ARHGAP8: variants seen among roughly 807,000 people sequenced by gnomAD.
The protein encoded by ARHGAP8 is rho GTPase-activating protein 8.
ARHGAP8 carries 62 observed loss-of-function variants against 46.1 expected under a neutral mutation model. The ratio of observed to expected loss-of-function variants is 1.34; its 90% CI spans 1.10 to 1.66. The LOEUF is 1.66. ARHGAP8 is among the 40% of genes most tolerant of loss of function. ARHGAP8 has a pLI of 0.00. For missense variants in ARHGAP8, 923 were observed against 568.4 expected, an observed-to-expected ratio of 1.62 and a Z score of -6.34; for synonymous variants, 375 against 243.1, an observed-to-expected ratio of 1.54 and a Z score of -5.05.
chr22:44,856,231 C>G (rs2070218835), intron 10 of ARHGAP8, among the ~76,000 whole-genome samples: 1 of 140,558 alleles, frequency 7.1e-6, no homozygotes, highest in Non-Finnish European at 1.5e-5. Flanking sequence ...GCTCACATTA[C>G]TGTCTGGCCA....
chr22:44,835,078 CA>C (rs1308529598), intron 7 of ARHGAP8, among the ~76,000 whole-genome samples: 1 of 151,858 alleles, frequency 6.6e-6, no homozygotes, highest in Admixed American at 6.6e-5. Flanking sequence ...TTATTTAATC[CA>C]TTTACATTTA....
intron 1 of ARHGAP8, among the ~76,000 whole-genome samples, chr22:44,754,315 A>G (rs1924489883): frequency 6.6e-6 from 1 of 150,606 alleles, no homozygotes; most frequent in Admixed American, 6.6e-5. Context: ...TTACTTGGAT[A>G]ACATCATTGG....
At chr22:44,860,724 G>A (rs889580208) in intron 11 of ARHGAP8, among the ~76,000 whole-genome samples, 1 of 151,384 alleles carries the variant, frequency 6.6e-6, no homozygotes, top group South Asian at 2.1e-4. Context: ...CCCTGGGGCA[G>A]GGATCCATTT....
chr22:44,859,730 G>A lies in ARHGAP8; in HGVS notation c.878-1G>A. 5 of 1,613,458 alleles carry A rather than the reference G, an allele frequency of 3.1e-6. No individual in the cohort carries two copies. The highest frequency in any genetic ancestry group is 4.2e-6 in the Non-Finnish European group (5 of 1,180,020). On this transcript the variant is annotated splice_acceptor_variant, in intron 10 of 11. Coordinates refer to ENST00000356099, the MANE Select transcript of ARHGAP8 (RefSeq NM_181335.3). LOFTEE classifies it high-confidence loss of function. The stretch of plus-strand genomic sequence containing the variant: ...CAGCAGGGAGCCCCATGCCCTTCCA[G>A]GTGTGGAGAGCAGCCTGCGTGTCAC...
intron 1 of ARHGAP8, among the ~76,000 whole-genome samples, chr22:44,758,701 C>T (rs1199111845): frequency 6.6e-6 from 1 of 151,964 alleles, no homozygotes; most frequent in Non-Finnish European, 1.5e-5. Context: ...GGCCGGTGTG[C>T]CAGGGCAAAG....
At chr22:44,846,209 C>T (rs2069951929) in intron 8 of ARHGAP8, among the ~76,000 whole-genome samples, 1 of 152,258 alleles carries the variant, frequency 6.6e-6, no homozygotes, top group African/African-American at 2.4e-5. Context: ...CCGTTTCTCA[C>T]ATTTCCATCT....
intron 7 of ARHGAP8, among the ~76,000 whole-genome samples, chr22:44,837,097 C>T (rs911172740): frequency 6.6e-6 from 1 of 152,186 alleles, no homozygotes; most frequent in African/African-American, 2.4e-5. Context: ...GTTGGCTAGG[C>T]TGGTCTCGAA....
At chr22:44,854,303 C>A (rs1161089742) in intron 10 of ARHGAP8, among the ~76,000 whole-genome samples, 1 of 144,572 alleles carries the variant, frequency 6.9e-6, no homozygotes, top group African/African-American at 2.6e-5. Flanking sequence ...GTGGCCTGAT[C>A]TTGGCTCATT....
At chr22:44,860,050 C>CCCTGCCTGCT (rs1569187374) in intron 11 of ARHGAP8, among the ~76,000 whole-genome samples, 3 of 152,166 alleles carry the variant, frequency 2.0e-5, no homozygotes, top group Non-Finnish European at 2.9e-5. Context: ...GCGTACCTGC[C>CCCTGCCTGCT]CCTGCCTGCT....
chr22:44,812,016 T>G (rs1434741377), intron 4 of ARHGAP8, among the ~76,000 whole-genome samples: 3 of 152,020 alleles, frequency 2.0e-5, no homozygotes, highest in Admixed American at 6.6e-5. Flanking sequence ...AAAAAAAGAT[T>G]TATGCAGTGA....
intron 2 of ARHGAP8, among the ~76,000 whole-genome samples, chr22:44,789,208 G>A (rs1466270032): frequency 2.0e-5 from 3 of 152,032 alleles, no homozygotes; most frequent in African/African-American, 4.8e-5. Context: ...GGAGTACAGT[G>A]GTGCGATCTC....
chr22:44,808,251 T>A, intron 3 of ARHGAP8, 56 bp from the exon 4 acceptor site: 1 of 1,579,188 alleles, frequency 6.3e-7, no homozygotes, highest in South Asian at 1.2e-5. Context: ...AAAGCACGTT[T>A]GGTTTCAATA....
intron 2 of ARHGAP8, among the ~76,000 whole-genome samples, chr22:44,798,774 C>CT (rs976049614): frequency 0.015 from 2,174 of 149,290 alleles, 16 homozygotes; most frequent in Middle Eastern, 0.035. Flanking sequence ...AGGAGCTGGA[C>CT]TTTTTTTTTT....
At chr22:44,839,746 G>A (rs951158026) in intron 7 of ARHGAP8, among the ~76,000 whole-genome samples, 12 of 152,178 alleles carry the variant, frequency 7.9e-5, no homozygotes, top group Non-Finnish European at 1.5e-4. Context: ...GGTTTCATTC[G>A]GGCCCTTTTC....
rs747497762 is a variant in ARHGAP8 at position 44,859,976 on chromosome 22, A to C, written c.981+142A>C. The C allele has an allele frequency of 7.7e-6, 8 of 1,033,800 alleles. No homozygotes were observed. The Admixed American group carries it at 1.6e-4, about 21-fold the overall frequency. The allele number at this position is 1,033,800 out of a possible 1,614,324, so 64.0% of individuals were successfully genotyped here. A position where few individuals can be genotyped will look rare whatever the true frequency, so the allele number is the denominator to read the frequency against. ...TCGGAATACCACTCCCTGCCCCCCA[A>C]GGACCTCATCCAAGGCCTGGTCAGG... On this transcript the variant is annotated intron_variant, in intron 11 of 11. Coordinates refer to ENST00000356099, the MANE Select transcript of ARHGAP8 (RefSeq NM_181335.3).
At chr22:44,788,139 G>T (rs1602176191) in intron 2 of ARHGAP8, among the ~76,000 whole-genome samples, 1 of 150,910 alleles carries the variant, frequency 6.6e-6, no homozygotes, top group African/African-American at 2.4e-5. Flanking sequence ...GTTATTTTGA[G>T]ATGGAGTTTC....
At chr22:44,808,598 C>T in intron 4 of ARHGAP8, 160 bp downstream of exon 4, 1 of 1,350,248 alleles carries the variant, frequency 7.4e-7, no homozygotes, top group East Asian at 2.5e-5. Flanking sequence ...TTCACCTCCC[C>T]TCTGGGCCAA....
chr22:44,784,091 C>T (rs1207316716), intron 1 of ARHGAP8, among the ~76,000 whole-genome samples: 1 of 151,690 alleles, frequency 6.6e-6, no homozygotes, highest in African/African-American at 2.4e-5. Flanking sequence ...ACAATAAAAC[C>T]ATGCAAATTA....
chr22:44,854,024 CAAAAAAAAAAAAA>C (rs71315119), intron 10 of ARHGAP8, among the ~76,000 whole-genome samples: 499 of 43,248 alleles, frequency 0.012, 6 homozygotes, highest in African/African-American at 0.028. Flanking sequence ...GACTCTGTCT[CAAAAAAAAAAAAA>C]AAAAAAAAAA....
Sources: allele counts gnomAD v4.1 joint callset (sites outside exome capture counted in the v4.1 genomes callset), GRCh38; gene constraint gnomAD v4.1.1; transcripts MANE v1.5; gene names NCBI Gene and HGNC (gene_info 2026-07-23, HGNC 2026-07-21).